CDK12: variants seen among roughly 807,000 people sequenced by gnomAD.
CDK12 encodes cyclin dependent kinase 12, also known as cyclin-dependent kinase 12.
Under a neutral mutation model 133.8 loss-of-function variants are expected in CDK12, and 17 were observed. That is an observed-to-expected ratio of 0.13 (90% CI 0.09 to 0.19). The LOEUF is 0.19. CDK12 is among the 10% of genes least tolerant of loss of function. CDK12 has a pLI of 1.00. For synonymous variants in CDK12, 694 were observed against 683.6 expected (o/e 1.02, Z -0.24); for missense variants, 1,508 against 1,818.7 (o/e 0.83, Z 3.11).
At chr17:39,477,130 C>T (rs1380636032) in intron 2 of CDK12, among the ~76,000 whole-genome samples, 5 of 151,756 alleles carry the variant, frequency 3.3e-5, no homozygotes, top group Admixed American at 2.6e-4. Flanking sequence ...AAGCGATTCT[C>T]CTGCCTCAGC....
chr17:39,498,251 G>A (rs2052295347), intron 5 of CDK12, among the ~76,000 whole-genome samples: 2 of 151,626 alleles, frequency 1.3e-5, no homozygotes, highest in Admixed American at 6.6e-5. Context: ...TTGAGACGGC[G>A]TCTCACTCAG....
At position 39,531,208 on chromosome 17, in the gene CDK12, AGGCC is replaced by A; in HGVS notation, c.4366_4369del (p.Gly1456PhefsTer42). 2.0e-6 allele frequency: 3 copies of A among 1,517,802 alleles called. No homozygotes were observed. Among genetic ancestry groups the A allele is most frequent in the Non-Finnish European group, 2.6e-6 (3 of 1,134,900 alleles). 94.0% of individuals were successfully genotyped at this position (1,517,802 alleles called of 1,614,324 possible). ...CCACTGGGGCCAGCAGCTCAGGAGCAGGCCTTCACTGGGGGGGCCCAACTCAGTC... is the reference window on the plus strand; with the variant it reads ...CCACTGGGGCCAGCAGCTCAGGAGCATTCACTGGGGGGGCCCAACTCAGTC... On this transcript the variant is annotated frameshift_variant, in exon 14 of 14. Transcript: ENST00000447079. LOFTEE classifies it high-confidence loss of function.
upstream of CDK12, chr17:39,550,062 G>C (rs1413134228): frequency 6.6e-6 from 1 of 152,132 alleles, no homozygotes; most frequent in Non-Finnish European, 1.5e-5. Flanking sequence ...CCTTAAAAGG[G>C]GGGTTGAGGG....
At chr17:39,507,532 C>A (rs1456444171) in intron 6 of CDK12, among the ~76,000 whole-genome samples, 2 of 151,078 alleles carry the variant, frequency 1.3e-5, no homozygotes, top group African/African-American at 4.9e-5. Context: ...CCAGCCTTGG[C>A]AACAAGATTG....
chr17:39,523,470 T>A (rs1173756476), intron 11 of CDK12, among the ~76,000 whole-genome samples: 2 of 152,086 alleles, frequency 1.3e-5, no homozygotes, highest in Non-Finnish European at 2.9e-5. Flanking sequence ...AGCAAGACTC[T>A]GTCTCAAAAG....
chr17:39,514,093 A>C lies in CDK12; in HGVS notation c.2769-1638A>C, dbSNP rs180872545. On this transcript the variant is annotated intron_variant, in intron 8 of 13. Transcript: ENST00000447079. The stretch of plus-strand genomic sequence containing the variant: ...TTTCTTTTTATAGAGTTGGGATCTC[A>C]CTACGTTGCCCAGCCTGGTCTCAAA... 1.3e-3 allele frequency among the ~76,000 whole-genome samples: 192 copies of C among 152,232 alleles called. 1 individual carries two copies. The highest frequency in any genetic ancestry group is 2.4e-3 in the Non-Finnish European group (164 of 68,018).
At chr17:39,472,441 G>C (rs1434742750) in intron 2 of CDK12, among the ~76,000 whole-genome samples, 1 of 149,204 alleles carries the variant, frequency 6.7e-6, no homozygotes, top group African/African-American at 2.5e-5. Flanking sequence ...TGGGAGGCTA[G>C]GGCAGGCAGA....
intron 6 of CDK12, among the ~76,000 whole-genome samples, chr17:39,505,098 G>A (rs2053013293): frequency 6.6e-6 from 1 of 151,060 alleles, no homozygotes; most frequent in Non-Finnish European, 1.5e-5. Flanking sequence ...GCATGGTGGC[G>A]CATGCCTGTA....
intron 1 of CDK12, among the ~76,000 whole-genome samples, chr17:39,541,645 G>A (rs1230829538): frequency 5.9e-5 from 9 of 152,280 alleles, no homozygotes; most frequent in Admixed American, 3.9e-4. Context: ...GTGAGCCACC[G>A]CATCCGGCCC....
intron 2 of CDK12, among the ~76,000 whole-genome samples, chr17:39,483,572 T>A (rs2050889105): frequency 6.6e-6 from 1 of 152,074 alleles, no homozygotes; most frequent in African/African-American, 2.4e-5. Flanking sequence ...TCTGAAATCA[T>A]GTTTTAAACA....
chr17:39,504,951 C>T (rs1287996325), intron 6 of CDK12, among the ~76,000 whole-genome samples: 1 of 145,776 alleles, frequency 6.9e-6, no homozygotes, highest in Non-Finnish European at 1.5e-5. Flanking sequence ...GATTTGGGGG[C>T]CAGGCGCAGT....
At chr17:39,469,513 A>G (rs2145145419) in intron 1 of CDK12, among the ~76,000 whole-genome samples, 1 of 152,320 alleles carries the variant, frequency 6.6e-6, no homozygotes, top group East Asian at 1.9e-4. Context: ...TGCAAGGAAC[A>G]ACATATTTTT....
chr17:39,489,879 A>G (rs1329911707), intron 2 of CDK12, among the ~76,000 whole-genome samples: 2 of 149,300 alleles, frequency 1.3e-5, no homozygotes, highest in Non-Finnish European at 3.0e-5. Flanking sequence ...GCCTCAAGCA[A>G]TCCTCTTGCC....
Position 39,531,111 on chromosome 17 carries a change from C to A in CDK12, c.4268C>A (p.Ala1423Asp). Reference protein sequence around the residue: ...HPVVGQPFLKAEGSSNSVVHA... With the variant: ...HPVVGQPFLKDEGSSNSVVHA... Reference sequence around the variant, plus strand: ...GTGGTCGGGCAACCATTCCTGAAGGCTGAGGGAAGCAGCAATTCTGTGGTA... The same window carrying A: ...GTGGTCGGGCAACCATTCCTGAAGGATGAGGGAAGCAGCAATTCTGTGGTA... The change falls in exon 14 of 14, where the codon GCT becomes GAT. Residue 1423 changes from alanine to aspartate, a missense_variant. By Grantham distance (126) the Ala-to-Asp change is moderately radical. Transcript: ENST00000447079. The A allele has an allele frequency of 6.3e-7, 1 of 1,576,784 alleles. No individual in the cohort carries two copies. Among genetic ancestry groups the A allele is most frequent in the Non-Finnish European group, 8.6e-7 (1 of 1,163,256 alleles).
chr17:39,491,701 A>ATTT (rs766596742), intron 3 of CDK12, among the ~76,000 whole-genome samples: 4 of 117,934 alleles, frequency 3.4e-5, no homozygotes, highest in Non-Finnish European at 5.4e-5. Context: ...CTGTTTATGT[A>ATTT]TTTTTTTTTT....
intron 1 of CDK12, 77 bp downstream of exon 1, chr17:39,463,194 C>A: frequency 1.5e-6 from 2 of 1,292,694 alleles, no homozygotes; most frequent in Non-Finnish European, 1.1e-6. Context: ...TTAACATTGT[C>A]TGGAAGCCCG....
intron 3 of CDK12, among the ~76,000 whole-genome samples, chr17:39,557,273 C>T (rs551722577): frequency 5.3e-5 from 8 of 152,244 alleles, no homozygotes; most frequent in African/African-American, 1.9e-4. Flanking sequence ...TCACCCTGAG[C>T]GCAGCACTAA....
At chr17:39,467,089 C>T (rs183361782) in intron 1 of CDK12, among the ~76,000 whole-genome samples, 7 of 152,194 alleles carry the variant, frequency 4.6e-5, no homozygotes, top group African/African-American at 1.7e-4. Context: ...AGCGATTCTC[C>T]TGCCTCAGCC....
At chr17:39,554,543 T>C (rs769476858) in intron 2 of CDK12, among the ~76,000 whole-genome samples, 6 of 152,156 alleles carry the variant, frequency 3.9e-5, no homozygotes, top group Non-Finnish European at 5.9e-5. Flanking sequence ...CATTCATGCC[T>C]TGGACTCCAG....
Sources: allele counts gnomAD v4.1 joint callset (sites outside exome capture counted in the v4.1 genomes callset), GRCh38; gene constraint gnomAD v4.1.1; transcripts MANE v1.5; gene names NCBI Gene and HGNC (gene_info 2026-07-23, HGNC 2026-07-21).